The following ADSL variants were observed in gnomAD, a reference collection of about 807,000 sequenced individuals.
The protein encoded by ADSL is adenylosuccinate lyase.
In ADSL, 44 loss-of-function variants were observed where a neutral mutation model predicts 62.1. That is an observed-to-expected ratio of 0.71 (90% CI 0.56 to 0.91). The LOEUF (loss-of-function observed/expected upper bound fraction) is 0.91, where lower values mean the gene tolerates loss of function less well. ADSL is among the 40% of genes least tolerant of loss of function. ADSL has a pLI of 0.00. For missense variants in ADSL, 531 were observed against 627.4 expected (o/e 0.85, Z 1.64); for synonymous variants, 198 against 220.5 (o/e 0.90, Z 0.90).
At chr22:40,373,171 G>C (rs1366476159), downstream of ADSL, among the ~76,000 whole-genome samples, 1 of 152,196 alleles carries the variant, frequency 6.6e-6, no homozygotes, top group East Asian at 1.9e-4. Context: ...GTCACTGTAA[G>C]TGACAGGGCC....
At chr22:40,380,850 G>C (rs551917952) in intron 2 of ADSL, among the ~76,000 whole-genome samples, 6 of 152,140 alleles carry the variant, frequency 3.9e-5, no homozygotes, top group African/African-American at 1.4e-4. Flanking sequence ...TGGGAGGATT[G>C]CTTGAGCCTG....
chr22:40,346,802 C>T (rs1487296288), intron 1 of ADSL, 91 bp downstream of exon 1: 1 of 1,363,322 alleles, frequency 7.3e-7, no homozygotes, highest in Non-Finnish European at 1.0e-6. Context: ...CTTAGCCACC[C>T]CGGAGCTGCG....
rs199761158 is a variant in ADSL, at chr22:40,359,030, C to G, written c.649C>G (p.His217Asp). 1.8e-4 allele frequency: 288 copies of G among 1,614,040 alleles called. 3 individuals are homozygous for G. In the Admixed American group the frequency reaches 4.7e-3, roughly 26 times the overall value. The change falls in exon 5 of 13, where the codon CAT becomes GAT. Residue 217 changes from histidine to aspartate, a missense_variant. By Grantham distance (81) the His-to-Asp change is moderately conservative (BLOSUM62 -1). Coordinates refer to ENST00000623063, the MANE Select transcript of ADSL (RefSeq NM_000026.4). ...SFLQLFEGDDHKVEQLDKMVT... is the reference protein window; with the variant it reads ...SFLQLFEGDDDKVEQLDKMVT... ...CCTGCAGCTCTTTGAGGGAGATGAC[C>G]ATAAGGTATTCTGAAAGTGACCTGC... is the stretch of plus-strand genomic sequence containing the variant.
chr22:40,355,180 A>G (rs1443946475), intron 4 of ADSL, among the ~76,000 whole-genome samples: 2 of 152,180 alleles, frequency 1.3e-5, no homozygotes. Flanking sequence ...TCTGTTGCCC[A>G]GGCTGGAGTG....
At chr22:40,357,247 CTTTTTTTTTTTT>C (rs760770992) in intron 4 of ADSL, among the ~76,000 whole-genome samples, 1 of 102,782 alleles carries the variant, frequency 9.7e-6, no homozygotes, top group Admixed American at 1.0e-4. Flanking sequence ...TTGATTTGGG[CTTTTTTTTTTTT>C]TTTTTTTTTT....
intron 4 of ADSL, among the ~76,000 whole-genome samples, chr22:40,355,082 T>C (rs1253719066): frequency 6.6e-6 from 1 of 152,160 alleles, no homozygotes; most frequent in Non-Finnish European, 1.5e-5. Flanking sequence ...GATGTAAATG[T>C]TGATTACTCT....
chr22:40,385,978 G>T (rs748056113), intron 2 of ADSL, among the ~76,000 whole-genome samples: 1 of 151,834 alleles, frequency 6.6e-6, no homozygotes, highest in Non-Finnish European at 1.5e-5. Flanking sequence ...CAACTTCCCA[G>T]GTAGCTGGGA....
rs1234342743 is a variant in ADSL, at chr22:40,386,160, G to A, written c.90-4070G>A. ...CTCCCAGAGTGCTGGGATCACAAATGTGAGCCACCACCTCTCCCAGCCAAG... is the reference window on the plus strand; with the variant it reads ...CTCCCAGAGTGCTGGGATCACAAATATGAGCCACCACCTCTCCCAGCCAAG... On this transcript the variant is annotated intron_variant, in intron 2 of 2. Transcript: ENST00000498234. Among the ~76,000 whole-genome samples, 3 of 152,086 alleles carry A rather than the reference G, an allele frequency of 2.0e-5. No homozygotes were observed. In the South Asian group the frequency reaches 6.2e-4, roughly 32 times the overall value.
chr22:40,384,712 C>T (rs892355069), intron 2 of ADSL, among the ~76,000 whole-genome samples: 3 of 152,052 alleles, frequency 2.0e-5, no homozygotes, highest in Non-Finnish European at 4.4e-5. Context: ...ATCTGGGAGG[C>T]GGAGTTTGCA....
intron 12 of ADSL, among the ~76,000 whole-genome samples, chr22:40,365,640 C>G (rs577147075): frequency 5.3e-5 from 8 of 152,044 alleles, no homozygotes; most frequent in Non-Finnish European, 7.4e-5. Flanking sequence ...GAGGCCGAGG[C>G]AGGAGGATTG....
downstream of ADSL, among the ~76,000 whole-genome samples, chr22:40,370,310 A>G (rs1435785998): frequency 1.3e-5 from 2 of 149,410 alleles, no homozygotes; most frequent in Non-Finnish European, 3.0e-5. Flanking sequence ...AGCCGAGATC[A>G]CGCCACTGCA....
chr22:40,381,676 C>T (rs891218510), intron 2 of ADSL, among the ~76,000 whole-genome samples: 2 of 152,018 alleles, frequency 1.3e-5, no homozygotes, highest in African/African-American at 4.8e-5. Context: ...TTCTTGGGGC[C>T]GGGCGTAGTG....
intron 2 of ADSL, among the ~76,000 whole-genome samples, chr22:40,382,012 T>G (rs945411469): frequency 2.6e-5 from 4 of 152,146 alleles, no homozygotes; most frequent in Non-Finnish European, 5.9e-5. Flanking sequence ...CAGATCAGAA[T>G]AAAAGCTCCA....
rs1311171245 is a variant in ADSL at position 40,346,634 on chromosome 22, A to T, written c.76A>T (p.Met26Leu). ...PLASRYASPEMCFVFSDRYKF... is the reference protein window; with the variant it reads ...PLASRYASPELCFVFSDRYKF... ...TGCCTCCCGCTATGCCAGCCCGGAGATGTGCTTCGTGTTTAGCGACAGGTA... is the reference window on the plus strand; with the variant it reads ...TGCCTCCCGCTATGCCAGCCCGGAGTTGTGCTTCGTGTTTAGCGACAGGTA... The change falls in exon 1 of 13, where the codon ATG (methionine) becomes TTG (leucine). Residue 26 changes from methionine to leucine, a missense_variant. This residue lies in a region of ADSL where 471 missense variants were observed against 592.9 expected (regional missense o/e 0.79). Transcript: ENST00000623063. 2 of 1,612,114 alleles carry T rather than the reference A, an allele frequency of 1.2e-6. No homozygotes were observed. Among genetic ancestry groups the T allele is most frequent in the Non-Finnish European group, 1.7e-6 (2 of 1,179,266 alleles).
At chr22:40,374,753 G>T (rs760860888) in intron 2 of ADSL, among the ~76,000 whole-genome samples, 7 of 152,208 alleles carry the variant, frequency 4.6e-5, no homozygotes, top group African/African-American at 9.7e-5. Flanking sequence ...GGTGATGTGC[G>T]CCTGTGGTCC....
At chr22:40,363,290 A>G (rs1253247614) in intron 10 of ADSL, among the ~76,000 whole-genome samples, 4 of 152,226 alleles carry the variant, frequency 2.6e-5, no homozygotes, top group Admixed American at 2.0e-4. Context: ...GCCTTAAACT[A>G]TCTAGCAGCA....
chr22:40,381,050 C>G (rs967290188), intron 2 of ADSL, among the ~76,000 whole-genome samples: 1 of 152,126 alleles, frequency 6.6e-6, no homozygotes, highest in African/African-American at 2.4e-5. Flanking sequence ...AATGGTTTAG[C>G]ATGATATTGG....
intron 2 of ADSL, among the ~76,000 whole-genome samples, chr22:40,378,663 T>C (rs1326882353): frequency 6.6e-6 from 1 of 151,714 alleles, no homozygotes; most frequent in Admixed American, 6.6e-5. Context: ...GAGGCGGAGG[T>C]TGCAGTGAGC....
chr22:40,372,598 G>A (rs1483789375), downstream of ADSL: 2 of 152,206 alleles, frequency 1.3e-5, no homozygotes, highest in African/African-American at 4.8e-5. Context: ...TTGGAAACAT[G>A]TCAGGTTGAT....
Sources: allele counts gnomAD v4.1 joint callset (sites outside exome capture counted in the v4.1 genomes callset), GRCh38; gene constraint gnomAD v4.1.1; regional missense constraint gnomAD v4.1.1; transcripts MANE v1.5; gene names NCBI Gene and HGNC (gene_info 2026-07-23, HGNC 2026-07-21).